The following CPNE4 variants were observed in gnomAD, a reference collection of about 807,000 sequenced individuals.
The protein encoded by CPNE4 is copine-4.
A neutral mutation model predicts 67.9 loss-of-function variants in CPNE4; 25 were observed. That is an observed-to-expected ratio of 0.37 (90% CI 0.27 to 0.51). The LOEUF is 0.51. CPNE4 is among the 20% of genes least tolerant of loss of function. The pLI, the probability that CPNE4 is intolerant of heterozygous loss-of-function variation, is 0.93. For synonymous variants in CPNE4, 242 were observed against 244.9 expected (o/e 0.99, Z 0.11); for missense variants, 464 against 690.8 (o/e 0.67, Z 3.68).
At chr3:131,952,997 T>G (rs2071813933) in intron 1 of CPNE4, among the ~76,000 whole-genome samples, 1 of 151,862 alleles carries the variant, frequency 6.6e-6, no homozygotes, top group Non-Finnish European at 1.5e-5. Flanking sequence ...TTAAATGGAT[T>G]AAGGGCGGTG....
chr3:131,826,918 T>C (rs919411259), intron 2 of CPNE4, among the ~76,000 whole-genome samples: 1 of 152,152 alleles, frequency 6.6e-6, no homozygotes, highest in African/African-American at 2.4e-5. Context: ...ACACCTGTAC[T>C]GCTAGCCACT....
intron 1 of CPNE4, chr3:131,985,835 C>G (rs1223119749): frequency 6.5e-6 from 1 of 154,024 alleles, no homozygotes; most frequent in African/African-American, 2.4e-5. Context: ...GAGCACAACA[C>G]TGATGATGGG....
chr3:131,903,540 A>C lies in CPNE4; in HGVS notation c.180+1724T>G, dbSNP rs1042378935. 3.3e-5 allele frequency among the ~76,000 whole-genome samples: 5 copies of C among 152,252 alleles called. No homozygotes were observed. In the East Asian group the frequency reaches 9.7e-4, roughly 29 times the overall value. ...ACACAAACCACCAAAGACTGATACC[A>C]GTGTCCAGCACAATTATAAAATAGC... On this transcript the variant is annotated intron_variant, in intron 2 of 15. Coordinates refer to ENST00000429747, the MANE Select transcript of CPNE4 (RefSeq NM_130808.3).
chr3:131,972,123 GA>G (rs11389908), intron 1 of CPNE4, among the ~76,000 whole-genome samples: 23 of 150,512 alleles, frequency 1.5e-4, no homozygotes, highest in South Asian at 2.1e-4. Flanking sequence ...GAGAGAGAGG[GA>G]AAAAAAAAGA....
intron 2 of CPNE4, among the ~76,000 whole-genome samples, chr3:131,863,873 A>G (rs375338928): frequency 6.6e-6 from 1 of 152,132 alleles, no homozygotes; most frequent in African/African-American, 2.4e-5. Context: ...ATCTTGAATT[A>G]ATTTTTGTAT....
chr3:131,734,465 C>G (rs1304582929), intron 2 of CPNE4, among the ~76,000 whole-genome samples: 2 of 152,180 alleles, frequency 1.3e-5, no homozygotes, highest in African/African-American at 4.8e-5. Context: ...AGAATGATCA[C>G]TTAGCAATGC....
chr3:131,848,889 A>C (rs985396602), intron 2 of CPNE4, among the ~76,000 whole-genome samples: 6 of 142,750 alleles, frequency 4.2e-5, no homozygotes, highest in African/African-American at 1.5e-4. Context: ...GCCCATAGGG[A>C]AGGGAGGATT....
At chr3:131,618,098 G>A (rs531459923) in intron 7 of CPNE4, among the ~76,000 whole-genome samples, 1 of 152,208 alleles carries the variant, frequency 6.6e-6, no homozygotes, top group South Asian at 2.1e-4. Context: ...TTGGAACTGG[G>A]TATAAGATAA....
At chr3:131,789,941 A>G in intron 2 of CPNE4, among the ~76,000 whole-genome samples, 1 of 152,184 alleles carries the variant, frequency 6.6e-6, no homozygotes, top group East Asian at 1.9e-4. Flanking sequence ...GCATGTAAGT[A>G]GGCACTCAAT....
intron 7 of CPNE4, among the ~76,000 whole-genome samples, chr3:131,656,657 G>C (rs1163345307): frequency 6.6e-6 from 1 of 152,198 alleles, no homozygotes; most frequent in Non-Finnish European, 1.5e-5. Flanking sequence ...AATTACATAG[G>C]CCAGTTCCTT....
intron 1 of CPNE4, among the ~76,000 whole-genome samples, chr3:132,024,375 C>T (rs532613345): frequency 5.9e-5 from 9 of 152,206 alleles, no homozygotes; most frequent in Admixed American, 2.0e-4. Flanking sequence ...TGAGCCATTG[C>T]GCCCAGCCCT....
chr3:132,019,460 C>A (rs903851459), intron 1 of CPNE4, among the ~76,000 whole-genome samples: 16 of 152,196 alleles, frequency 1.1e-4, no homozygotes, highest in African/African-American at 3.6e-4. Context: ...TTGCATAAAT[C>A]TGTGACAAAA....
At chr3:131,955,418 T>G (rs575294894) in intron 1 of CPNE4, among the ~76,000 whole-genome samples, 7 of 121,146 alleles carry the variant, frequency 5.8e-5, no homozygotes, top group South Asian at 2.7e-4. Flanking sequence ...AGGTTTTTTT[T>G]TTTTTTTTTT....
intron 7 of CPNE4, among the ~76,000 whole-genome samples, chr3:131,612,840 C>T (rs1939930508): frequency 6.6e-6 from 1 of 152,168 alleles, no homozygotes; most frequent in Admixed American, 6.5e-5. Flanking sequence ...TCTGCTGAGT[C>T]AGGAGGCATG....
intron 1 of CPNE4, among the ~76,000 whole-genome samples, chr3:131,937,300 G>A (rs542428199): frequency 6.6e-6 from 1 of 152,180 alleles, no homozygotes; most frequent in South Asian, 2.1e-4. Flanking sequence ...AAAACCATGG[G>A]GTATAAATCA....
At chr3:131,819,375 G>A (rs1433419915) in intron 2 of CPNE4, among the ~76,000 whole-genome samples, 2 of 152,062 alleles carry the variant, frequency 1.3e-5, no homozygotes, top group Admixed American at 1.3e-4. Flanking sequence ...GACTTAGTAG[G>A]AGAAAATGTA....
At position 131,792,891 on chromosome 3, in the gene CPNE4, C is replaced by CTG. The variant is rs1560324394; in HGVS notation, c.181-69267_181-69266insCA. On this transcript the variant is annotated intron_variant, in intron 2 of 15. Coordinates refer to ENST00000429747, the MANE Select transcript of CPNE4 (RefSeq NM_130808.3). ...TATATATTTACAGTGTAGGTATTTC[C>CTG]AGTGTGTGTGTGTGTGTGTGTGTGT... Among the ~76,000 whole-genome samples, 11 of 67,650 alleles carry CTG rather than the reference C, an allele frequency of 1.6e-4. No individual in the cohort carries two copies. The East Asian group carries it at 2.6e-3, about 16-fold the overall frequency. The allele number at this position is 67,650 out of a possible 152,430, so 44.4% of individuals were successfully genotyped here. A position where few individuals can be genotyped will look rare whatever the true frequency, so the allele number is the denominator to read the frequency against.
intron 3 of CPNE4, among the ~76,000 whole-genome samples, chr3:131,713,896 T>TAA (rs555443563): frequency 3.5e-4 from 52 of 147,894 alleles, no homozygotes; most frequent in African/African-American, 1.3e-3. Flanking sequence ...AAGACAGCAG[T>TAA]AAAAAAAAAA....
intron 9 of CPNE4, among the ~76,000 whole-genome samples, 194 bp downstream of exon 9, chr3:131,581,385 C>T (rs941656783): frequency 1.3e-5 from 2 of 152,186 alleles, no homozygotes; most frequent in African/African-American, 2.4e-5. Flanking sequence ...AGGACAGTGA[C>T]ACTGCGCTGC....
Sources: gnomAD v4.1 joint callset for allele counts (sites outside exome capture counted in the v4.1 genomes callset) on GRCh38, gnomAD v4.1.1 for gene constraint, MANE v1.5 for transcripts, NCBI Gene and HGNC (gene_info 2026-07-23, HGNC 2026-07-21) for gene names.